The following ALDH1A2 variants were observed in gnomAD, a reference collection of about 807,000 sequenced individuals.
ALDH1A2 encodes retinal dehydrogenase 2.
A neutral mutation model predicts 60.3 loss-of-function variants in ALDH1A2; 27 were observed. The ratio of observed to expected loss-of-function variants is 0.45; its 90% CI spans 0.33 to 0.62. The LOEUF (loss-of-function observed/expected upper bound fraction) is 0.62. Ranked by LOEUF, ALDH1A2 falls within the 20% of genes least tolerant of loss-of-function variation. ALDH1A2 has a pLI of 0.02. For synonymous variants in ALDH1A2, 289 were observed against 232.4 expected, an observed-to-expected ratio of 1.24 and a Z score of -2.21; for missense variants, 581 against 643.8, an observed-to-expected ratio of 0.90 and a Z score of 1.06.
At chr15:58,062,867 A>G (rs907390221) in intron 1 of ALDH1A2, among the ~76,000 whole-genome samples, 1 of 152,222 alleles carries the variant, frequency 6.6e-6, no homozygotes, top group African/African-American at 2.4e-5. Flanking sequence ...AATGGAATGT[A>G]ACTGCCTAAA....
intron 1 of ALDH1A2, chr15:58,014,543 G>C (rs1340725945): frequency 5.8e-6 from 3 of 519,078 alleles, no homozygotes; most frequent in Non-Finnish European, 3.7e-6. Flanking sequence ...AATAAGGATA[G>C]AGTGTCTCAC....
intron 4 of ALDH1A2, among the ~76,000 whole-genome samples, chr15:57,998,803 C>T (rs569398170): frequency 6.6e-6 from 1 of 152,190 alleles, no homozygotes; most frequent in East Asian, 1.9e-4. Context: ...TCAAACTATA[C>T]TACAAGGCTA....
At chr15:57,974,555 T>C (rs1894180280) in intron 7 of ALDH1A2, among the ~76,000 whole-genome samples, 1 of 151,884 alleles carries the variant, frequency 6.6e-6, no homozygotes, top group Admixed American at 6.6e-5. Flanking sequence ...CAAGAAATGG[T>C]GCAGGAACTA....
At chr15:58,003,533 C>T (rs758153320) in intron 4 of ALDH1A2, among the ~76,000 whole-genome samples, 8 of 151,788 alleles carry the variant, frequency 5.3e-5, no homozygotes, top group Admixed American at 1.3e-4. Context: ...ATCGTAAGTC[C>T]ATTTTAATAT....
rs1895673004 is a variant in ALDH1A2, at chr15:58,012,831, A to G, written c.363+1027T>C. 3.9e-5 allele frequency among the ~76,000 whole-genome samples: 6 copies of G among 152,136 alleles called. 1 individual carries two copies. The highest frequency in any genetic ancestry group is 3.9e-4 in the Admixed American group (6 of 15,264). On this transcript the variant is annotated intron_variant, in intron 3 of 12. Transcript: ENST00000249750. ...TTCCTTCCCCAGAAGCAAGCCCAAT[A>G]GTGACCTATTTTCCCAAGTAGGGGA...
chr15:57,986,914 C>G (rs775848391), intron 7 of ALDH1A2, among the ~76,000 whole-genome samples: 1 of 152,064 alleles, frequency 6.6e-6, no homozygotes, highest in Non-Finnish European at 1.5e-5. Context: ...CTCAGCCTCC[C>G]AGAGTACTAG....
chr15:58,063,215 G>A (rs1449914726), intron 1 of ALDH1A2, among the ~76,000 whole-genome samples: 7 of 152,182 alleles, frequency 4.6e-5, no homozygotes, highest in African/African-American at 1.7e-4. Flanking sequence ...CACTAAAGAT[G>A]TATGTTTAGC....
intron 7 of ALDH1A2, among the ~76,000 whole-genome samples, chr15:57,975,071 TGGTG>T (rs1436051494): frequency 1.3e-5 from 2 of 152,200 alleles, no homozygotes; most frequent in East Asian, 3.9e-4. Context: ...CATCAAATGT[TGGTG>T]GGGATGTAAA....
intron 7 of ALDH1A2, among the ~76,000 whole-genome samples, chr15:57,974,299 G>A (rs144759832): frequency 6.6e-6 from 1 of 152,112 alleles, no homozygotes; most frequent in African/African-American, 2.4e-5. Flanking sequence ...TGGGCAAGGT[G>A]GCGGGCGCCT....
intron 7 of ALDH1A2, among the ~76,000 whole-genome samples, chr15:57,983,048 A>C (rs762449062): frequency 5.3e-5 from 8 of 152,166 alleles, no homozygotes; most frequent in Non-Finnish European, 1.2e-4. Context: ...TTCACATCCT[A>C]TTAAAGAGAC....
chr15:57,967,761 A>G (rs1893943308), intron 7 of ALDH1A2, among the ~76,000 whole-genome samples: 1 of 152,194 alleles, frequency 6.6e-6, no homozygotes, highest in South Asian at 2.1e-4. Flanking sequence ...TTGATGGGTG[A>G]GCTGTGGCCA....
intron 1 of ALDH1A2, among the ~76,000 whole-genome samples, chr15:58,020,469 G>T (rs1338424616): frequency 6.6e-6 from 1 of 151,926 alleles, no homozygotes; most frequent in Non-Finnish European, 1.5e-5. Flanking sequence ...AATATGTGAG[G>T]AACAAAATTT....
At chr15:58,016,838 T>TA (rs1566950048) in intron 1 of ALDH1A2, among the ~76,000 whole-genome samples, 1 of 152,184 alleles carries the variant, frequency 6.6e-6, no homozygotes, top group Non-Finnish European at 1.5e-5. Flanking sequence ...TTGTGTTGTG[T>TA]AATACATCTT....
chr15:58,020,107 C>T lies in ALDH1A2; in HGVS notation c.118-5826G>A, dbSNP rs1327318339. ...GGTTTTCTGTTCCTGTGTTAGTTTGCTGAGGATAATGGCTTCCAGCTCCAT... is the reference window on the plus strand; with the variant it reads ...GGTTTTCTGTTCCTGTGTTAGTTTGTTGAGGATAATGGCTTCCAGCTCCAT... On this transcript the variant is annotated intron_variant, in intron 1 of 12. Coordinates refer to ENST00000249750, the MANE Select transcript of ALDH1A2 (RefSeq NM_003888.4). Among the ~76,000 whole-genome samples the T allele has an allele frequency of 2.0e-5, 3 of 151,886 alleles. 1 individual carries two copies. The highest frequency in any genetic ancestry group is 2.9e-5 in the Non-Finnish European group (2 of 68,004).
chr15:58,057,710 C>T (rs1896931899), intron 1 of ALDH1A2, among the ~76,000 whole-genome samples: 1 of 152,324 alleles, frequency 6.6e-6, no homozygotes, highest in African/African-American at 2.4e-5. Flanking sequence ...ACAATAGCTA[C>T]TGTGTGCATG....
chr15:58,050,020 G>A (rs1261173094), intron 1 of ALDH1A2, among the ~76,000 whole-genome samples: 1 of 151,912 alleles, frequency 6.6e-6, no homozygotes, highest in Non-Finnish European at 1.5e-5. Context: ...GGGGAAGGGG[G>A]CTGAAGTGTT....
At chr15:58,016,843 C>T (rs1334378843) in intron 1 of ALDH1A2, among the ~76,000 whole-genome samples, 2 of 152,110 alleles carry the variant, frequency 1.3e-5, no homozygotes, top group East Asian at 3.8e-4. Flanking sequence ...TTGTGTAATA[C>T]ATCTTTCAAA....
At chr15:57,963,837 G>T in intron 9 of ALDH1A2, 48 bp downstream of exon 9, 2 of 1,599,796 alleles carry the variant, frequency 1.3e-6, no homozygotes, top group South Asian at 1.1e-5. Context: ...ACAGTTCTGT[G>T]CCAGTCAAGG....
At chr15:58,007,632 A>G (rs1230746309) in intron 4 of ALDH1A2, among the ~76,000 whole-genome samples, 1 of 152,100 alleles carries the variant, frequency 6.6e-6, no homozygotes, top group African/African-American at 2.4e-5. Context: ...GATATTGTAC[A>G]TAAAAGAATA....
Sources: gnomAD v4.1 joint callset for allele counts (sites outside exome capture counted in the v4.1 genomes callset) on GRCh38, gnomAD v4.1.1 for gene constraint, MANE v1.5 for transcripts, NCBI Gene and HGNC (gene_info 2026-07-23, HGNC 2026-07-21) for gene names.